Variants in ANKRD27 observed in about 807,000 individuals in gnomAD.
The protein encoded by ANKRD27 is ankyrin repeat domain 27, also known as ankyrin repeat domain-containing protein 27.
ANKRD27 carries 112 observed loss-of-function variants against 129.7 expected under a neutral mutation model. The observed-to-expected ratio is 0.86, with a 90% CI of 0.74 to 1.01. The LOEUF (loss-of-function observed/expected upper bound fraction) is 1.01. ANKRD27 is among the 50% of genes least tolerant of loss of function. The pLI is 0.00. For missense variants in ANKRD27, 1,258 were observed against 1,300.5 expected (o/e 0.97, Z 0.50); for synonymous variants, 516 against 511.2 (o/e 1.01, Z -0.13).
Position 32,646,400 on chromosome 19 carries a change from C to T in ANKRD27, c.370+59G>A, listed in dbSNP as rs1008484150. 5 of 1,541,534 alleles carry T rather than the reference C, an allele frequency of 3.2e-6. No homozygotes were observed. The South Asian group carries it at 4.9e-5, about 15-fold the overall frequency. On this transcript the variant is annotated intron_variant, in intron 4 of 28. Transcript: ENST00000306065. ...AACCTTTCAACAGCTAAGTCAGGAA[C>T]AAGTTCAACAAACACATTTTTCTAA...
At chr19:32,642,203 T>TTTTTTAA in intron 9 of ANKRD27, 58 bp from the exon 10 acceptor site, 7 of 1,454,994 alleles carry the variant, frequency 4.8e-6, no homozygotes, top group Admixed American at 4.6e-5. Context: ...CCCTCTGGCC[T>TTTTTTAA]GGATCTAAGA....
intron 26 of ANKRD27, 96 bp from the exon 27 acceptor site, chr19:32,600,146 T>A (rs1234886943): frequency 2.1e-6 from 2 of 960,968 alleles, no homozygotes; most frequent in African/African-American, 3.3e-5. Flanking sequence ...ATTCTCAGAT[T>A]TACAAAATTT....
rs761431174 is a variant in ANKRD27 at position 32,600,066 on chromosome 19, T to G, written c.2768-16A>C. The G allele has an allele frequency of 3.2e-6, 5 of 1,565,384 alleles. No individual in the cohort carries two copies. The highest frequency in any genetic ancestry group is 4.4e-6 in the Non-Finnish European group (5 of 1,137,870). ...TTTGAGTTCCCTGTAGATAAAAAGA[T>G]AAACATCTAAAAACTTCAAAAACAG... On this transcript the variant is annotated splice_polypyrimidine_tract_variant and intron_variant, in intron 26 of 28. Coordinates refer to ENST00000306065, the MANE Select transcript of ANKRD27 (RefSeq NM_032139.3).
chr19:32,602,364 G>T (rs541974557), intron 25 of ANKRD27, among the ~76,000 whole-genome samples: 1 of 151,940 alleles, frequency 6.6e-6, no homozygotes, highest in Non-Finnish European at 1.5e-5. Flanking sequence ...CCACGCTGGG[G>T]ATTCAACCAC....
intron 2 of ANKRD27, among the ~76,000 whole-genome samples, chr19:32,655,661 G>A (rs958253117): frequency 9.9e-5 from 15 of 151,836 alleles, no homozygotes; most frequent in Admixed American, 6.6e-4. Context: ...CAGGAGGATC[G>A]CCTGAGGTCA....
Position 32,597,218 on chromosome 19 carries a change from T to C in ANKRD27, c.*927A>G, listed in dbSNP as rs1417521237. 7.1e-6 allele frequency: 1 copy of C among 140,078 alleles called. No homozygotes were observed. Among genetic ancestry groups the C allele is most frequent in the East Asian group, 2.5e-4 (1 of 4,032 alleles). The allele number at this position is 140,078 out of a possible 1,614,324, so 8.7% of individuals were successfully genotyped here. A position where few individuals can be genotyped will look rare whatever the true frequency, so the allele number is the denominator to read the frequency against. ...CAGGACAAACCCATATACGTGTAGCTCTAGGCCAATAACATAAAAATAACA... is the reference window on the plus strand; with the variant it reads ...CAGGACAAACCCATATACGTGTAGCCCTAGGCCAATAACATAAAAATAACA... On this transcript the variant is annotated 3_prime_UTR_variant, in exon 29 of 29. Transcript: ENST00000306065.
At chr19:32,612,432 G>A (rs1456272462) in intron 22 of ANKRD27, among the ~76,000 whole-genome samples, 1 of 152,168 alleles carries the variant, frequency 6.6e-6, no homozygotes, top group Admixed American at 6.6e-5. Flanking sequence ...GAGTAAGTTA[G>A]TAAGTAAGCA....
At position 32,607,618 on chromosome 19, in the gene ANKRD27, C is replaced by G; in HGVS notation, c.2373+17G>C. The G allele has an allele frequency of 6.2e-7, 1 of 1,609,478 alleles. No homozygotes were observed. The highest frequency in any genetic ancestry group is 1.1e-5 in the South Asian group (1 of 90,474). On this transcript the variant is annotated intron_variant, in intron 23 of 28. Transcript: ENST00000306065. ...AGCAGACACCCTGCTCCACCACCCC[C>G]AACACACAGCCCGAACCTGAAAGTG...
In ANKRD27 at chr19:32,622,510, A is replaced by T. The variant is rs1240634255; in HGVS notation, c.1739T>A (p.Val580Asp). ...HIAARWGYQG[V>D]IETLLQNGAS... ...TCCGTTCTGCAGCAATGTCTCTATG[A>T]CGCCTTGGTAGCCCCAGCGGGCAGC... Residue 580 changes from valine (V) to aspartate (D), a missense_variant, in exon 18 of 29, where the codon GTC becomes GAC. Physicochemically the swap from Val to Asp is radical, Grantham distance 152. Coordinates refer to ENST00000306065, the MANE Select transcript of ANKRD27 (RefSeq NM_032139.3). 2 of 1,613,924 alleles carry T rather than the reference A, an allele frequency of 1.2e-6. No individual in the cohort carries two copies. The highest frequency in any genetic ancestry group is 1.7e-6 in the Non-Finnish European group (2 of 1,180,006).
Position 32,628,704 on chromosome 19 carries a change from C to A in ANKRD27, c.1337+18G>T, listed in dbSNP as rs1050513232. The A allele has an allele frequency of 1.9e-6, 3 of 1,613,340 alleles. No individual in the cohort carries two copies. Among genetic ancestry groups the A allele is most frequent in the Non-Finnish European group, 2.5e-6 (3 of 1,179,660 alleles). Reference sequence around the variant, plus strand: ...TCCTGCTTCCTGGCACTCTGAGCCTCCACCAGCACCCTCTTACCCAGAGAC... The same window carrying A: ...TCCTGCTTCCTGGCACTCTGAGCCTACACCAGCACCCTCTTACCCAGAGAC... On this transcript the variant is annotated intron_variant, in intron 14 of 28. Transcript: ENST00000306065.
At chr19:32,602,152 A>G (rs1163044889) in intron 25 of ANKRD27, 26 bp from the exon 26 acceptor site, 1 of 1,383,838 alleles carries the variant, frequency 7.2e-7, no homozygotes. Flanking sequence ...GAAAAGGAAC[A>G]GTAATGTTTT....
intron 23 of ANKRD27, among the ~76,000 whole-genome samples, chr19:32,606,617 C>CCGATGTGCTGGG (rs1555739632): frequency 3.9e-5 from 6 of 152,226 alleles, no homozygotes; most frequent in Non-Finnish European, 5.9e-5. Flanking sequence ...CTCACTTCAC[C>CCGATGTGCTGGG]TTTCTATCCT....
intron 22 of ANKRD27, among the ~76,000 whole-genome samples, chr19:32,613,832 C>T (rs1456948707): frequency 6.6e-6 from 1 of 151,972 alleles, no homozygotes; most frequent in African/African-American, 2.4e-5. Flanking sequence ...CCTCAGCCTC[C>T]CGAGTAGCTG....
At chr19:32,648,701 G>A (rs1181309125) in intron 3 of ANKRD27, among the ~76,000 whole-genome samples, 2 of 151,806 alleles carry the variant, frequency 1.3e-5, no homozygotes, top group Non-Finnish European at 2.9e-5. Flanking sequence ...TCGGGAGGCT[G>A]AGGCAGGAGA....
intron 13 of ANKRD27, 67 bp from the exon 14 acceptor site, chr19:32,628,916 T>C: frequency 1.3e-6 from 2 of 1,587,464 alleles, no homozygotes; most frequent in Non-Finnish European, 1.7e-6. Flanking sequence ...GTAAATTTTT[T>C]GAGAGTCCTT....
At chr19:32,633,032 G>A (rs995849514) in intron 12 of ANKRD27, among the ~76,000 whole-genome samples, 1 of 152,134 alleles carries the variant, frequency 6.6e-6, no homozygotes, top group Non-Finnish European at 1.5e-5. Flanking sequence ...ACTTTACACC[G>A]CAATTCACAG....
At chr19:32,645,988 G>A (rs1231594272) in intron 4 of ANKRD27, among the ~76,000 whole-genome samples, 1 of 151,844 alleles carries the variant, frequency 6.6e-6, no homozygotes, top group Non-Finnish European at 1.5e-5. Flanking sequence ...ATCGAGTACA[G>A]AGGCGTGATC....
intron 12 of ANKRD27, among the ~76,000 whole-genome samples, chr19:32,634,100 T>C (rs1314663889): frequency 6.6e-6 from 1 of 152,198 alleles, no homozygotes; most frequent in East Asian, 1.9e-4. Context: ...AACTATATTA[T>C]ATAAAATCAA....
chr19:32,637,108 G>T (rs1423619260), intron 12 of ANKRD27, among the ~76,000 whole-genome samples: 2 of 152,172 alleles, frequency 1.3e-5, no homozygotes, highest in African/African-American at 4.8e-5. Context: ...GACTGAAAAT[G>T]CATGAACGTG....
Sources: gnomAD v4.1 joint callset for allele counts (sites outside exome capture counted in the v4.1 genomes callset) on GRCh38, gnomAD v4.1.1 for gene constraint, MANE v1.5 for transcripts, NCBI Gene and HGNC (gene_info 2026-07-23, HGNC 2026-07-21) for gene names.